AHDC1: variants seen among roughly 807,000 people sequenced by gnomAD.
The protein encoded by AHDC1 is AT-hook DNA binding motif containing 1.
AHDC1 carries 7 observed loss-of-function variants against 87.9 expected under a neutral mutation model. The observed-to-expected ratio is 0.08, with a 90% CI of 0.05 to 0.15. The LOEUF (loss-of-function observed/expected upper bound fraction) is 0.15, where lower values mean the gene tolerates loss of function less well. AHDC1 is among the 10% of genes least tolerant of loss of function. The pLI, the probability that AHDC1 is intolerant of heterozygous loss-of-function variation, is 1.00. For synonymous variants in AHDC1, 1,051 were observed against 1,006.8 expected, an observed-to-expected ratio of 1.04 and a Z score of -0.83; for missense variants, 1,841 against 2,253.2, an observed-to-expected ratio of 0.82 and a Z score of 3.70.
rs1460662429 is a variant in AHDC1, at chr1:27,550,898, G to A, written c.1218C>T (p.Asp406=). ...RRKAGRGRKA[D]AGPEGRLLPL... ...GCAGTAGGCGGCCCTCGGGTCCGGC[G>A]TCTGCCTTGCGTCCCCGTCCGGCTT... Residue 406 remains aspartate, a synonymous_variant, in exon 8 of 9, where the codon GAC becomes GAT. Coordinates refer to ENST00000673934, the MANE Select transcript of AHDC1 (RefSeq NM_001371928.1). 10 of 1,593,744 alleles carry A rather than the reference G, an allele frequency of 6.3e-6. No individual in the cohort carries two copies. The highest frequency in any genetic ancestry group is 3.4e-5 in the Admixed American group (2 of 58,846).
chr1:27,571,917 G>A (rs780727332), intron 3 of AHDC1, among the ~76,000 whole-genome samples: 4 of 152,156 alleles, frequency 2.6e-5, no homozygotes, highest in African/African-American at 4.8e-5. Context: ...ATGGAAATGG[G>A]TCAGTAAACC....
chr1:27,592,061 G>A (rs1571338678), intron 3 of AHDC1, among the ~76,000 whole-genome samples: 4 of 152,268 alleles, frequency 2.6e-5, no homozygotes, highest in African/African-American at 9.6e-5. Flanking sequence ...CGAATTCCTC[G>A]AAGCCCCCTA....
chr1:27,548,001 G>A lies in AHDC1; in HGVS notation c.4115C>T (p.Ala1372Val), dbSNP rs2019276083. 1.9e-6 allele frequency: 3 copies of A among 1,608,142 alleles called. No homozygotes were observed. Among genetic ancestry groups the A allele is most frequent in the Non-Finnish European group, 2.6e-6 (3 of 1,175,690 alleles). ...GFHCDSPSLG[A>V]PELDGKHFPP... ...GAAATGCTTGCCATCAAGCTCGGGAGCACCCAGGCTGGGCGAGTCGCAGTG... is the reference window on the plus strand; with the variant it reads ...GAAATGCTTGCCATCAAGCTCGGGAACACCCAGGCTGGGCGAGTCGCAGTG... The change falls in exon 8 of 9, where the codon GCT becomes GTT. Residue 1372 changes from alanine (A) to valine (V), a missense_variant. Transcript: ENST00000673934.
chr1:27,589,818 C>T (rs1400068732), intron 3 of AHDC1, among the ~76,000 whole-genome samples: 1 of 152,164 alleles, frequency 6.6e-6, no homozygotes, highest in Non-Finnish European at 1.5e-5. Flanking sequence ...GTCTTCCTGT[C>T]CAAGGAGAGA....
intron 8 of AHDC1, among the ~76,000 whole-genome samples, chr1:27,539,138 C>CTTTTTT (rs112072152): frequency 3.2e-5 from 4 of 125,370 alleles, no homozygotes; most frequent in Admixed American, 8.0e-5. Context: ...TTTTTCTTTT[C>CTTTTTT]TTTTTTTTTT....
rs989903579 is a variant in AHDC1, at chr1:27,534,638, C to T, written c.*322G>A. On this transcript the variant is annotated 3_prime_UTR_variant, in exon 9 of 9. Transcript: ENST00000673934. ...CCGCTCGCAACCTCTTGCACACGCTCGCTCTCTCGCTCTCTCTCTCTCTTT... is the reference window on the plus strand; with the variant it reads ...CCGCTCGCAACCTCTTGCACACGCTTGCTCTCTCGCTCTCTCTCTCTCTTT... 4 of 152,174 alleles carry T rather than the reference C, an allele frequency of 2.6e-5. No homozygotes were observed. The highest frequency in any genetic ancestry group is 7.3e-5 in the African/African-American group (3 of 41,330). 9.4% of individuals were successfully genotyped at this position (152,174 alleles called of 1,614,324 possible). A position where few individuals can be genotyped will look rare whatever the true frequency, so the allele number is the denominator to read the frequency against.
chr1:27,563,361 A>T lies in AHDC1; in HGVS notation c.-628-4478T>A, dbSNP rs1232546750. ...CTGACCAAGACACACACACACACACACACACACGTGGGACAAGTCCCATCT... is the reference window on the plus strand; with the variant it reads ...CTGACCAAGACACACACACACACACTCACACACGTGGGACAAGTCCCATCT... On this transcript the variant is annotated intron_variant, in intron 3 of 8. Coordinates refer to ENST00000673934, the MANE Select transcript of AHDC1 (RefSeq NM_001371928.1). The surrounding 1 kb of genome is among the most constrained non-coding windows in gnomAD (Gnocchi z 6.1). Among the ~76,000 whole-genome samples the T allele has an allele frequency of 6.6e-6, 1 of 152,148 alleles. No homozygotes were observed. Among genetic ancestry groups the T allele is most frequent in the Non-Finnish European group, 1.5e-5 (1 of 68,004 alleles).
intron 3 of AHDC1, among the ~76,000 whole-genome samples, chr1:27,567,742 A>G (rs541529905): frequency 6.6e-6 from 1 of 152,336 alleles, no homozygotes. Flanking sequence ...TACTCCTTGT[A>G]GCCCAGAACT....
chr1:27,547,125 C>T lies in AHDC1; in HGVS notation c.*43+136G>A. ...ACAGCGAATCCTGAATCCCTACACC[C>T]TGCTCTCAGTCCCCAGCCTTGCCCT... is the stretch of plus-strand genomic sequence containing the variant. On this transcript the variant is annotated intron_variant, in intron 8 of 8. Transcript: ENST00000673934. This position sits in a 1 kb window ranked among gnomAD's most constrained non-coding sequence, Gnocchi z 4.9. The T allele has an allele frequency of 1.7e-6, 1 of 602,624 alleles. No individual in the cohort carries two copies. Among genetic ancestry groups the T allele is most frequent in the East Asian group, 3.0e-5 (1 of 33,828 alleles). The allele number at this position is 602,624 out of a possible 1,614,324, so 37.3% of individuals were successfully genotyped here.
chr1:27,544,828 A>C (rs2019093088), intron 8 of AHDC1, among the ~76,000 whole-genome samples: 1 of 152,134 alleles, frequency 6.6e-6, no homozygotes, highest in African/African-American at 2.4e-5. Context: ...CTGCTTCAAC[A>C]CTAGCCCTGC....
chr1:27,545,870 G>A (rs1277149267), intron 8 of AHDC1, among the ~76,000 whole-genome samples: 2 of 152,200 alleles, frequency 1.3e-5, no homozygotes, highest in African/African-American at 4.8e-5. Flanking sequence ...CAAAAGCTTG[G>A]TCAAGGGCAT....
Position 27,549,932 on chromosome 1 carries a change from C to T in AHDC1, c.2184G>A (p.Arg728=), listed in dbSNP as rs1457757967. 1.2e-6 allele frequency: 2 copies of T among 1,613,516 alleles called. No homozygotes were observed. The highest frequency in any genetic ancestry group is 1.3e-5 in the African/African-American group (1 of 75,036). Residue 728 remains arginine (R), a synonymous_variant, in exon 8 of 9, where the codon CGG becomes CGA. Transcript: ENST00000673934. The part of the protein sequence containing the change: ...TELGHPRKRG[R]GEVDAVTGKP... ...TCCCAGTCACAGCGTCTACCTCCCC[C>T]CGGCCCCGTTTGCGTGGGTGCCCCA...
intron 8 of AHDC1, among the ~76,000 whole-genome samples, chr1:27,541,002 A>T (rs1207590761): frequency 5.0e-5 from 1 of 20,014 alleles, no homozygotes; most frequent in African/African-American, 3.1e-4. Context: ...TAAAAATGCT[A>T]AAAAAAAAAA....
intron 8 of AHDC1, among the ~76,000 whole-genome samples, chr1:27,541,024 A>C (rs55998901): frequency 0.056 from 7,709 of 137,956 alleles, 239 homozygotes; most frequent in Non-Finnish European, 0.069. Flanking sequence ...AAAAAAAAAA[A>C]AACAACAACA....
rs1353365364 is a variant in AHDC1 at position 27,547,733 on chromosome 1, G to A, written c.4383C>T (p.Cys1461=). 6.3e-7 allele frequency: 1 copy of A among 1,592,950 alleles called. No individual in the cohort carries two copies. The change falls in exon 8 of 9, where the codon TGC becomes TGT. Residue 1461 remains cysteine, a synonymous_variant. Coordinates refer to ENST00000673934, the MANE Select transcript of AHDC1 (RefSeq NM_001371928.1). This position sits in a 1 kb window ranked among gnomAD's most constrained non-coding sequence, Gnocchi z 4.9. ...LGQPHYDSPS[C]KGTAYWYPPG... ...GAGGGTACCAATAGGCTGTGCCCTT[G>A]CAGCTGGGGGAATCGTAGTGGGGCT...
Position 27,550,572 on chromosome 1 carries a change from G to A in AHDC1, c.1544C>T (p.Ala515Val), listed in dbSNP as rs1452414730. Residue 515 changes from alanine (A) to valine (V), a missense_variant, in exon 8 of 9, where the codon GCT becomes GTT. This residue lies in a region of AHDC1 where 18 missense variants were observed against 18.0 expected (regional missense o/e 1.00). Transcript: ENST00000673934. Reference sequence around the variant, plus strand: ...CATCTTCAGCAGCGGGGTGGGCTCAGCCGACACGCGCAGGCCCAGCTCCTT... The same window carrying A: ...CATCTTCAGCAGCGGGGTGGGCTCAACCGACACGCGCAGGCCCAGCTCCTT... ...EGKELGLRVS[A>V]EPTPLLKMKN... The A allele has an allele frequency of 6.2e-7, 1 of 1,613,642 alleles. No homozygotes were observed. The highest frequency in any genetic ancestry group is 8.5e-7 in the Non-Finnish European group (1 of 1,179,902).
At position 27,549,471 on chromosome 1, in the gene AHDC1, T is replaced by C. The variant is rs758431786; in HGVS notation, c.2645A>G (p.Gln882Arg). The change falls in exon 8 of 9, where the codon CAG becomes CGG. Residue 882 changes from glutamine (Q) to arginine (R), a missense_variant. By Grantham distance (43) the Gln-to-Arg change is conservative. Coordinates refer to ENST00000673934, the MANE Select transcript of AHDC1 (RefSeq NM_001371928.1). ...AGPPTSALPA[Q>R]RGLATFPSRG... ...GCTAGGGAAGGTGGCCAGGCCCCGC[T>C]GGGCAGGCAGGGCACTGGTGGGTGG... is the stretch of plus-strand genomic sequence containing the variant. 3.1e-6 allele frequency: 5 copies of C among 1,612,764 alleles called. No homozygotes were observed. In the South Asian group the frequency reaches 5.5e-5, roughly 18 times the overall value.
chr1:27,596,281 C>T (rs2089369443), intron 3 of AHDC1, among the ~76,000 whole-genome samples: 1 of 152,040 alleles, frequency 6.6e-6, no homozygotes, highest in African/African-American at 2.4e-5. Context: ...CCAAGCCCAC[C>T]CATCTGCCTT....
chr1:27,594,669 G>A (rs1051156650), intron 3 of AHDC1, among the ~76,000 whole-genome samples: 1 of 152,168 alleles, frequency 6.6e-6, no homozygotes, highest in Non-Finnish European at 1.5e-5. Context: ...GGGAAGAGCG[G>A]GAGGCCTGGG....
Sources: allele counts gnomAD v4.1 joint callset (sites outside exome capture counted in the v4.1 genomes callset), GRCh38; gene constraint gnomAD v4.1.1; regional missense constraint gnomAD v4.1.1; non-coding constraint Gnocchi (gnomAD v3.1); transcripts MANE v1.5; gene names NCBI Gene and HGNC (gene_info 2026-07-23, HGNC 2026-07-21).